Variants in SAV1 observed in about 807,000 individuals in gnomAD.
The protein encoded by SAV1 is salvador family WW domain containing protein 1.
Under a neutral mutation model 47.3 loss-of-function variants are expected in SAV1, and 23 were observed. The ratio of observed to expected loss-of-function variants is 0.49; its 90% CI spans 0.35 to 0.69. The LOEUF (loss-of-function observed/expected upper bound fraction) is 0.69, where lower values mean the gene tolerates loss of function less well. SAV1 is among the 30% of genes least tolerant of loss of function. SAV1 has a pLI of 0.01. For synonymous variants in SAV1, 155 were observed against 159.2 expected (o/e 0.97, Z 0.20); for missense variants, 448 against 457.4 (o/e 0.98, Z 0.19).
chr14:50,665,314 A>T lies in SAV1; in HGVS notation c.400T>A (p.Tyr134Asn). ...CCATCAAAAAAATTGTCTGAATAAT[A>T]ATATCGGGAACCAGAGTCTCCATTT... ...VENGDSGSRY[Y>N]YSDNFFDGQR... is the part of the protein sequence containing the mutation. The change falls in exon 2 of 5, where the codon TAT (tyrosine) becomes AAT (asparagine). Residue 134 changes from tyrosine (Y) to asparagine (N), a missense_variant. Physicochemically the swap from Tyr to Asn is moderately radical, Grantham distance 143. Transcript: ENST00000324679. The T allele has an allele frequency of 6.2e-7, 1 of 1,613,828 alleles. No individual in the cohort carries two copies. The highest frequency in any genetic ancestry group is 8.5e-7 in the Non-Finnish European group (1 of 1,179,786).
chr14:50,644,016 G>A (rs913599522), intron 3 of SAV1, among the ~76,000 whole-genome samples: 2 of 152,168 alleles, frequency 1.3e-5, no homozygotes, highest in Non-Finnish European at 2.9e-5. Flanking sequence ...CTCAAATGTG[G>A]TTAATTTGAA....
chr14:50,649,180 T>A (rs2140254712), intron 2 of SAV1, among the ~76,000 whole-genome samples: 1 of 152,376 alleles, frequency 6.6e-6, no homozygotes. Flanking sequence ...AAGCCTCTTC[T>A]CAAATGTTTC....
At chr14:50,662,931 G>C (rs2039872414) in intron 2 of SAV1, 1 of 152,170 alleles carries the variant, frequency 6.6e-6, no homozygotes, top group Admixed American at 6.5e-5. Context: ...CATCTCTTAG[G>C]CAGTCATGTG....
At chr14:50,640,986 T>G in intron 3 of SAV1, 93 bp from the exon 4 acceptor site, 1 of 1,206,764 alleles carries the variant, frequency 8.3e-7, no homozygotes, top group Non-Finnish European at 1.1e-6. Context: ...CATTTTTCAG[T>G]GTGCCTTCTG....
chr14:50,653,575 A>C (rs764955082), intron 2 of SAV1, among the ~76,000 whole-genome samples: 14 of 152,172 alleles, frequency 9.2e-5, no homozygotes, highest in Non-Finnish European at 1.9e-4. Flanking sequence ...AGTGAACCTT[A>C]AAGTTATCTT....
Position 50,668,004 on chromosome 14 carries a change from TC to T in SAV1, c.-38del. The T allele has an allele frequency of 6.8e-7, 1 of 1,480,608 alleles. No individual in the cohort carries two copies. 91.7% of individuals were successfully genotyped at this position (1,480,608 alleles called of 1,614,324 possible). On this transcript the variant is annotated 5_prime_UTR_variant, in exon 1 of 5. Transcript: ENST00000324679. ...AGGCCCGAGGCCGCGCTGAACTGCC[TC>T]CCTAGGGCTCCGCGCCGGGCGCCGG...
Position 50,640,823 on chromosome 14 carries a change from G to C in SAV1, c.877C>G (p.Leu293Val), listed in dbSNP as rs551578555. ...PQQTERNQSL[L>V]VPANPYHTAE... is the part of the protein sequence containing the mutation. ...GTATGATATGGATTTGCAGGTACCAGAAGGGACTGATTTCTTTCAGTTTGC... is the reference window on the plus strand; with the variant it reads ...GTATGATATGGATTTGCAGGTACCACAAGGGACTGATTTCTTTCAGTTTGC... The change falls in exon 4 of 5, where the codon CTG becomes GTG. Residue 293 changes from leucine to valine, a missense_variant. Leu to Val is a conservative substitution (Grantham distance 32, BLOSUM62 1). Coordinates refer to ENST00000324679, the MANE Select transcript of SAV1 (RefSeq NM_021818.4). 2.5e-6 allele frequency: 4 copies of C among 1,614,042 alleles called. No homozygotes were observed. The Admixed American group carries it at 5.0e-5, about 20-fold the overall frequency.
intron 2 of SAV1, among the ~76,000 whole-genome samples, chr14:50,663,721 T>C (rs2039878553): frequency 1.3e-5 from 2 of 152,164 alleles, no homozygotes; most frequent in East Asian, 3.8e-4. Context: ...CACTGGTACC[T>C]GCAATCCTCT....
At chr14:50,636,049 A>G (rs2039632179) in intron 4 of SAV1, among the ~76,000 whole-genome samples, 1 of 152,136 alleles carries the variant, frequency 6.6e-6, no homozygotes, top group African/African-American at 2.4e-5. Context: ...TGCTAATATT[A>G]CTTCATTTCA....
intron 2 of SAV1, among the ~76,000 whole-genome samples, chr14:50,654,172 T>C (rs2039793275): frequency 6.6e-6 from 1 of 152,240 alleles, no homozygotes; most frequent in Non-Finnish European, 1.5e-5. Context: ...TGAAAGATTT[T>C]TCTGTAGCAT....
intron 3 of SAV1, among the ~76,000 whole-genome samples, chr14:50,641,117 A>C (rs1300524434): frequency 6.6e-6 from 1 of 152,234 alleles, no homozygotes; most frequent in Non-Finnish European, 1.5e-5. Context: ...ACTAAGTTTT[A>C]ACCTTTATAC....
In SAV1 at chr14:50,634,941, T is replaced by C. The variant is rs1350932510; in HGVS notation, c.*242A>G. The C allele has an allele frequency of 2.0e-5, 8 of 409,570 alleles. No homozygotes were observed. The highest frequency in any genetic ancestry group is 1.7e-5 in the Non-Finnish European group (4 of 230,070). The allele number at this position is 409,570 out of a possible 1,614,324, so 25.4% of individuals were successfully genotyped here. A position where few individuals can be genotyped will look rare whatever the true frequency, so the allele number is the denominator to read the frequency against. On this transcript the variant is annotated 3_prime_UTR_variant, in exon 5 of 5. Coordinates refer to ENST00000324679, the MANE Select transcript of SAV1 (RefSeq NM_021818.4). ...CCGCTGCGTTTTTTTCCATCAAGAA[T>C]ACCAAAACAGTTTCCTAATATACAG...
intron 2 of SAV1, among the ~76,000 whole-genome samples, chr14:50,650,573 C>A (rs757427874): frequency 6.6e-5 from 10 of 152,154 alleles, no homozygotes; most frequent in Admixed American, 6.6e-5. Context: ...ATATAAAAGA[C>A]CGTGCAGCTT....
In SAV1 at chr14:50,644,852, C is replaced by A. The variant is rs1393932581; in HGVS notation, c.698G>T (p.Arg233Leu). The A allele has an allele frequency of 6.2e-7, 1 of 1,614,034 alleles. No homozygotes were observed. The highest frequency in any genetic ancestry group is 8.5e-7 in the Non-Finnish European group (1 of 1,180,030). Reference sequence around the variant, plus strand: ...TTCCCATCCAGGAGGAAGTCCTTCTCGCTCAAGAGGATGGCTCCAGTGAGT... The same window carrying A: ...TTCCCATCCAGGAGGAAGTCCTTCTAGCTCAAGAGGATGGCTCCAGTGAGT... ...NTTHWSHPLEREGLPPGWERV... is the reference protein window; with the variant it reads ...NTTHWSHPLELEGLPPGWERV... Residue 233 changes from arginine (R) to leucine (L), a missense_variant, in exon 3 of 5, where the codon CGA (arginine) becomes CTA (leucine). Transcript: ENST00000324679.
In SAV1 at chr14:50,662,330, G is replaced by A. The variant is rs533358943; in HGVS notation, c.535+2849C>T. 1.3e-3 allele frequency among the ~76,000 whole-genome samples: 204 copies of A among 152,102 alleles called. 2 individuals are homozygous for A. The highest frequency in any genetic ancestry group is 2.2e-3 in the Non-Finnish European group (150 of 67,986). Reference sequence around the variant, plus strand: ...ACTACAGGCGCCTGCCACCACGCCCGGCTAATTTTTTTATTTTTAGTAGAG... The same window carrying A: ...ACTACAGGCGCCTGCCACCACGCCCAGCTAATTTTTTTATTTTTAGTAGAG... On this transcript the variant is annotated intron_variant, in intron 2 of 4. Coordinates refer to ENST00000324679, the MANE Select transcript of SAV1 (RefSeq NM_021818.4).
At chr14:50,642,108 A>C (rs2140249892) in intron 3 of SAV1, among the ~76,000 whole-genome samples, 1 of 152,326 alleles carries the variant, frequency 6.6e-6, no homozygotes, top group South Asian at 2.1e-4. Flanking sequence ...TAATGCAGGA[A>C]GAGAAAACTA....
intron 4 of SAV1, among the ~76,000 whole-genome samples, chr14:50,635,695 A>G (rs192372582): frequency 6.6e-6 from 1 of 152,234 alleles, no homozygotes; most frequent in Non-Finnish European, 1.5e-5. Context: ...ATTAACTGCT[A>G]TTTACATATA....
At position 50,644,988 on chromosome 14, in the gene SAV1, A is replaced by T. The variant is rs1231290718; in HGVS notation, c.562T>A (p.Leu188Ile). 6.2e-7 allele frequency: 1 copy of T among 1,611,996 alleles called. No individual in the cohort carries two copies. The highest frequency in any genetic ancestry group is 8.5e-7 in the Non-Finnish European group (1 of 1,179,934). ...SGIGRVAATS[L>I]GNLTNHGSED... ...GAACCATGGTTAGTCAAATTTCCTAAAGATGTAGCAGCAACTCTCCCAATA... is the reference window on the plus strand; with the variant it reads ...GAACCATGGTTAGTCAAATTTCCTATAGATGTAGCAGCAACTCTCCCAATA... The change falls in exon 3 of 5, where the codon TTA becomes ATA. Residue 188 changes from leucine to isoleucine, a missense_variant. By Grantham distance (5) the Leu-to-Ile change is conservative. Coordinates refer to ENST00000324679, the MANE Select transcript of SAV1 (RefSeq NM_021818.4).
intron 3 of SAV1, among the ~76,000 whole-genome samples, chr14:50,642,617 G>C (rs1349043476): frequency 6.6e-6 from 1 of 151,698 alleles, no homozygotes; most frequent in Non-Finnish European, 1.5e-5. Flanking sequence ...ATGTACCCCT[G>C]AACCTAAAAT....
Sources: gnomAD v4.1 joint callset for allele counts (sites outside exome capture counted in the v4.1 genomes callset) on GRCh38, gnomAD v4.1.1 for gene constraint, MANE v1.5 for transcripts, NCBI Gene and HGNC (gene_info 2026-07-23, HGNC 2026-07-21) for gene names.